GPR139: variants seen among roughly 807,000 people sequenced by gnomAD.
GPR139 encodes the protein G protein-coupled receptor 139.
In GPR139, 12 loss-of-function variants were observed where a neutral mutation model predicts 25.8. That is an observed-to-expected ratio of 0.47 (90% CI 0.30 to 0.75). The LOEUF (loss-of-function observed/expected upper bound fraction) is 0.75. Among genes scored for constraint, GPR139 ranks in the 30% least tolerant of loss-of-function variants. GPR139 has a pLI of 0.07. For missense variants in GPR139, 380 were observed against 450.2 expected, an observed-to-expected ratio of 0.84 and a Z score of 1.41; for synonymous variants, 184 against 179.9, an observed-to-expected ratio of 1.02 and a Z score of -0.18.
At position 20,046,146 on chromosome 16, in the gene GPR139, T is replaced by C. The variant is rs565756757; in HGVS notation, c.128-13477A>G. On this transcript the variant is annotated intron_variant, in intron 1 of 1. Coordinates refer to ENST00000570682, the MANE Select transcript of GPR139 (RefSeq NM_001002911.4). Reference sequence around the variant, plus strand: ...GGGCAAATAGCTTATCAATTGTGCATACAAAATGCAGCCAACACAAAGCCA... The same window carrying C: ...GGGCAAATAGCTTATCAATTGTGCACACAAAATGCAGCCAACACAAAGCCA... 7.2e-5 allele frequency among the ~76,000 whole-genome samples: 11 copies of C among 152,338 alleles called. No individual in the cohort carries two copies. In the South Asian group the frequency reaches 2.3e-3, roughly 32 times the overall value.
chr16:20,066,033 A>G (rs187314760), intron 1 of GPR139, among the ~76,000 whole-genome samples: 1 of 152,344 alleles, frequency 6.6e-6, no homozygotes, highest in Admixed American at 6.5e-5. Flanking sequence ...AACTGAGAAA[A>G]AATAGAGATG....
intron 1 of GPR139, among the ~76,000 whole-genome samples, chr16:20,065,743 C>T (rs2057430235): frequency 6.6e-6 from 1 of 152,018 alleles, no homozygotes; most frequent in South Asian, 2.1e-4. Context: ...CATGGTGGTG[C>T]ATGGCTGTAA....
At chr16:20,051,163 A>T (rs2057370673) in intron 1 of GPR139, among the ~76,000 whole-genome samples, 3 of 152,150 alleles carry the variant, frequency 2.0e-5, no homozygotes, top group Admixed American at 2.0e-4. Flanking sequence ...ACAAGGTGGG[A>T]GGTGAAGAAC....
Position 20,028,741 on chromosome 16 carries a change from G to A in GPR139, c.*2994C>T, listed in dbSNP as rs1054042597. On this transcript the variant is annotated 3_prime_UTR_variant, in exon 2 of 2. Coordinates refer to ENST00000570682, the MANE Select transcript of GPR139 (RefSeq NM_001002911.4). ...CAGCCGTCAAGTTGTTCAATAAAAA[G>A]ACACAGCATGGTGGTGCGTATCATC... 3.4e-4 allele frequency among the ~76,000 whole-genome samples: 51 copies of A among 152,212 alleles called. No individual in the cohort carries two copies. The highest frequency in any genetic ancestry group is 1.0e-3 in the African/African-American group (42 of 41,544).
At chr16:20,059,131 C>A (rs1027957334) in intron 1 of GPR139, among the ~76,000 whole-genome samples, 4 of 152,170 alleles carry the variant, frequency 2.6e-5, no homozygotes, top group Admixed American at 2.6e-4. Context: ...TGGTGATGAT[C>A]CTCTCTCTGC....
At chr16:20,066,348 A>G (rs2057434017) in intron 1 of GPR139, among the ~76,000 whole-genome samples, 2 of 152,360 alleles carry the variant, frequency 1.3e-5, no homozygotes, top group South Asian at 4.1e-4. Context: ...GGTCTCTGCC[A>G]GCTGTAGCTG....
intron 1 of GPR139, among the ~76,000 whole-genome samples, chr16:20,055,213 G>C (rs992823563): frequency 6.6e-6 from 1 of 152,174 alleles, no homozygotes. Context: ...TTGGTTTTCT[G>C]TTCCTGTGTT....
At chr16:20,036,713 G>C (rs1364672886) in intron 1 of GPR139, among the ~76,000 whole-genome samples, 1 of 152,176 alleles carries the variant, frequency 6.6e-6, no homozygotes, top group Non-Finnish European at 1.5e-5. Flanking sequence ...GATTATGGGA[G>C]CTACATTTCA....
intron 1 of GPR139, among the ~76,000 whole-genome samples, chr16:20,039,791 G>A (rs2057323858): frequency 6.6e-6 from 1 of 152,144 alleles, no homozygotes; most frequent in South Asian, 2.1e-4. Context: ...TCAAAACCCC[G>A]TCTTCCATGG....
chr16:20,033,392 A>T (rs1214691077), intron 1 of GPR139, among the ~76,000 whole-genome samples: 5 of 152,254 alleles, frequency 3.3e-5, no homozygotes, highest in African/African-American at 4.8e-5. Context: ...CTGAGAGCTT[A>T]AGCAACTTGC....
At chr16:20,045,554 T>C (rs2057351452) in intron 1 of GPR139, among the ~76,000 whole-genome samples, 1 of 152,170 alleles carries the variant, frequency 6.6e-6, no homozygotes, top group Non-Finnish European at 1.5e-5. Flanking sequence ...GTTGTTTTCT[T>C]TTGTAACATA....
chr16:20,035,062 T>C (rs963263657), intron 1 of GPR139, among the ~76,000 whole-genome samples: 2 of 152,196 alleles, frequency 1.3e-5, no homozygotes, highest in African/African-American at 2.4e-5. Context: ...TAACAGACAC[T>C]GCTGAATTGC....
chr16:20,037,158 G>A (rs2057312826), intron 1 of GPR139, among the ~76,000 whole-genome samples: 2 of 152,090 alleles, frequency 1.3e-5, no homozygotes, highest in African/African-American at 2.4e-5. Context: ...AATCAAGGAT[G>A]AAGAGAAGGG....
At chr16:20,038,081 C>T (rs1021474558) in intron 1 of GPR139, among the ~76,000 whole-genome samples, 15 of 151,628 alleles carry the variant, frequency 9.9e-5, no homozygotes, top group African/African-American at 3.6e-4. Context: ...AGGCTGGTCT[C>T]AAACTCCTGA....
At chr16:20,033,942 A>G (rs951805950) in intron 1 of GPR139, among the ~76,000 whole-genome samples, 2 of 151,866 alleles carry the variant, frequency 1.3e-5, no homozygotes, top group African/African-American at 2.4e-5. Flanking sequence ...TTGTGGGGTC[A>G]GATTTGTCTT....
chr16:20,048,650 G>A (rs767905002), intron 1 of GPR139, among the ~76,000 whole-genome samples: 1 of 152,212 alleles, frequency 6.6e-6, no homozygotes, highest in Non-Finnish European at 1.5e-5. Context: ...AGTTTCCCAT[G>A]AGAGAATGAC....
chr16:20,039,278 G>C (rs1241810128), intron 1 of GPR139, among the ~76,000 whole-genome samples: 1 of 152,188 alleles, frequency 6.6e-6, no homozygotes, highest in Non-Finnish European at 1.5e-5. Flanking sequence ...TGAATCGTCT[G>C]CTGGCCCAGA....
chr16:20,048,717 T>G (rs2057362020), intron 1 of GPR139, among the ~76,000 whole-genome samples: 1 of 152,110 alleles, frequency 6.6e-6, no homozygotes, highest in East Asian at 1.9e-4. Context: ...GCAACACAGT[T>G]ACACACCCCA....
In GPR139 at chr16:20,028,721, G is replaced by A. The variant is rs772512738; in HGVS notation, c.*3014C>T. ...TCCTTCCCCATGAGACATTTCAGCC[G>A]TCAAGTTGTTCAATAAAAAGACACA... On this transcript the variant is annotated 3_prime_UTR_variant, in exon 2 of 2. Coordinates refer to ENST00000570682, the MANE Select transcript of GPR139 (RefSeq NM_001002911.4). 2.0e-5 allele frequency among the ~76,000 whole-genome samples: 3 copies of A among 152,080 alleles called. No homozygotes were observed. Among genetic ancestry groups the A allele is most frequent in the African/African-American group, 4.8e-5 (2 of 41,406 alleles).
Sources: allele counts gnomAD v4.1 joint callset (sites outside exome capture counted in the v4.1 genomes callset), GRCh38; gene constraint gnomAD v4.1.1; transcripts MANE v1.5; gene names NCBI Gene and HGNC (gene_info 2026-07-23, HGNC 2026-07-21).